The following HMGB3 variants were observed in gnomAD, a reference collection of about 807,000 sequenced individuals.
The protein encoded by HMGB3 is high mobility group box 3, also known as high mobility group protein B3.
In HMGB3, 1 loss-of-function variant was observed where a neutral mutation model predicts 12.9. The ratio of observed to expected loss-of-function variants is 0.08; its 90% confidence interval spans 0.03 to 0.37. HMGB3 has a LOEUF of 0.37. Ranked by LOEUF, HMGB3 falls within the 10% of genes least tolerant of loss-of-function variation. The probability of loss-of-function intolerance (pLI) is 0.99; values close to 1 mark genes in which losing one functional copy is unlikely to be tolerated. For missense variants in HMGB3, 74 were observed against 153.3 expected (o/e 0.48, Z 2.73); for synonymous variants, 61 against 53.9 (o/e 1.13, Z -0.57).
chrX:150,987,100 C>G, intron 3 of HMGB3, 28 bp from the exon 4 acceptor site: 2 of 1,145,111 alleles, frequency 1.7e-6, no homozygotes, highest in Non-Finnish European at 2.3e-6. Context: ...TTTGTGGTTT[C>G]TCATGTAATG....
chrX:150,983,156 C>A, upstream of HMGB3: 1 of 367,069 alleles, frequency 2.7e-6, no homozygotes, highest in Non-Finnish European at 3.5e-6. Flanking sequence ...GCCGGCGGGT[C>A]GTTCTGTTTG....
chrX:150,981,421 T>C (rs1376724091), upstream of HMGB3, among the ~76,000 whole-genome samples: 1 of 106,617 alleles, frequency 9.4e-6, no homozygotes, highest in Non-Finnish European at 1.9e-5. Context: ...AGTGGGGACC[T>C]GGGTTAGTGA....
At chrX:150,987,561 T>C (rs1557425273) in intron 4 of HMGB3, among the ~76,000 whole-genome samples, 1 of 111,839 alleles carries the variant, frequency 8.9e-6, no homozygotes, top group Non-Finnish European at 1.9e-5. Context: ...ATAGTCCTAC[T>C]AATGTGACTT....
At chrX:150,984,683 C>T (rs1453888044) in intron 1 of HMGB3, 8 of 399,493 alleles carry the variant, frequency 2.0e-5, no homozygotes, top group African/African-American at 1.4e-4. Flanking sequence ...TGCCTGCTGC[C>T]GGCCGGGACT....
rs2048084806 is a variant in HMGB3, at chrX:150,988,955, A to G, written c.*1041A>G. On this transcript the variant is annotated 3_prime_UTR_variant, in exon 5 of 5. Transcript: ENST00000325307. ...TACTGTGTGATTTTGTTTGTGTCTG[A>G]GTGGCATTCAGATGAAGTCTGGAGG... 1 of 111,122 alleles carries G rather than the reference A, an allele frequency of 9.0e-6. No individual in the cohort carries two copies. Among genetic ancestry groups the G allele is most frequent in the African/African-American group, 3.3e-5 (1 of 30,467 alleles). The allele number at this position is 111,122 out of a possible 1,213,427, so 9.2% of individuals were successfully genotyped here. A position where few individuals can be genotyped will look rare whatever the true frequency, so the allele number is the denominator to read the frequency against.
At chrX:150,984,592 T>C in intron 1 of HMGB3, 1 of 747,922 alleles carries the variant, frequency 1.3e-6, no homozygotes, top group Non-Finnish European at 1.6e-6. Context: ...CAGGGGCACT[T>C]TCTTTCATCA....
chrX:150,983,179 C>T (rs1163107696), upstream of HMGB3: 20 of 497,796 alleles, frequency 4.0e-5, no homozygotes, highest in Non-Finnish European at 4.9e-5. Context: ...TGAATGATCC[C>T]AGCAGCCGCG....
chrX:150,987,908 T>C lies in HMGB3; in HGVS notation c.597T>C (p.Asp199=), dbSNP rs782545964. 8.4e-7 allele frequency: 1 copy of C among 1,185,645 alleles called. No homozygotes were observed. The highest frequency in any genetic ancestry group is 1.8e-5 in the South Asian group (1 of 55,060). ...EEEEEEEEEE[D]E is the part of the protein sequence containing the mutation. ...AAGAGGAGGAGGAGGAGGAGGAGGA[T>C]GAATAAAGAAACTGTTTATCTGTCT... The change falls in exon 5 of 5, where the codon GAT becomes GAC. Residue 199 remains aspartate (D), a synonymous_variant. Coordinates refer to ENST00000325307, the MANE Select transcript of HMGB3 (RefSeq NM_005342.4).
chrX:150,984,775 G>C (rs1351530021), intron 1 of HMGB3: 1 of 114,250 alleles, frequency 8.8e-6, no homozygotes, highest in South Asian at 3.6e-4. Context: ...CTGCCAAGGG[G>C]AGCTCTTTAG....
intron 1 of HMGB3, among the ~76,000 whole-genome samples, chrX:150,984,799 C>T (rs1190707003): frequency 8.9e-6 from 1 of 111,787 alleles, no homozygotes; most frequent in Non-Finnish European, 1.9e-5. Context: ...TACATGATGA[C>T]CTTGGGTGTG....
intron 3 of HMGB3, 92 bp downstream of exon 3, chrX:150,986,282 AT>A: frequency 1.3e-6 from 1 of 750,221 alleles, no homozygotes; most frequent in Non-Finnish European, 1.9e-6. Flanking sequence ...TCATTTCAAA[AT>A]GAAATATTTT....
chrX:150,980,724 TG>T, upstream of HMGB3: 2 of 374,299 alleles, frequency 5.3e-6, no homozygotes, highest in Non-Finnish European at 6.9e-6. Flanking sequence ...GGGTGGCAAC[TG>T]GGGGCCAGTT....
chrX:150,983,537 C>T (rs2048012090), intron 1 of HMGB3, 161 bp downstream of exon 1: 1 of 738,537 alleles, frequency 1.4e-6, no homozygotes, highest in East Asian at 1.5e-4. Context: ...CATTCCCTTC[C>T]CGCCCCCTCC....
intron 1 of HMGB3, chrX:150,984,559 C>T: frequency 2.7e-6 from 2 of 740,254 alleles, no homozygotes; most frequent in Non-Finnish European, 3.2e-6. Context: ...CGCGCGTCCC[C>T]CGGGGATGAC....
chrX:150,987,037 G>A (rs982660042), intron 3 of HMGB3, 91 bp from the exon 4 acceptor site: 1 of 642,561 alleles, frequency 1.6e-6, no homozygotes, highest in South Asian at 2.9e-5. Flanking sequence ...AGTCATAGTG[G>A]TAGGAGGGAG....
upstream of HMGB3, among the ~76,000 whole-genome samples, chrX:150,980,989 G>A (rs1415684046): frequency 1.8e-5 from 2 of 111,958 alleles, no homozygotes; most frequent in Non-Finnish European, 3.8e-5. Context: ...TTGAATCTCT[G>A]GTCTAGAAAG....
At chrX:150,983,423 CCG>C in intron 1 of HMGB3, 47 bp downstream of exon 1, 2 of 661,588 alleles carry the variant, frequency 3.0e-6, no homozygotes, top group Non-Finnish European at 3.6e-6. Flanking sequence ...GCCGCCGCCG[CCG>C]CCGCCGCCGC....
At chrX:150,984,528 C>T in intron 1 of HMGB3, 1 of 582,935 alleles carries the variant, frequency 1.7e-6, no homozygotes, top group South Asian at 8.7e-5. Flanking sequence ...CGCGCACCGC[C>T]ACCGCCGCCG....
chrX:150,986,998 G>GTA (rs1460981033), intron 3 of HMGB3, 130 bp from the exon 4 acceptor site: 1 of 480,534 alleles, frequency 2.1e-6, no homozygotes, highest in Non-Finnish European at 3.6e-6. Context: ...ATTGTATATG[G>GTA]TATCATAGAT....
Sources: allele counts gnomAD v4.1 joint callset (sites outside exome capture counted in the v4.1 genomes callset), GRCh38; gene constraint gnomAD v4.1.1; transcripts MANE v1.5; gene names NCBI Gene and HGNC (gene_info 2026-07-23, HGNC 2026-07-21).